The following PCDH15 variants were observed in gnomAD, a reference collection of about 807,000 sequenced individuals.
The protein encoded by PCDH15 is protocadherin related 15, also known as protocadherin-15.
PCDH15 carries 129 observed loss-of-function variants against 178.5 expected under a neutral mutation model. The observed-to-expected ratio is 0.72, with a 90% CI of 0.63 to 0.84. The LOEUF (loss-of-function observed/expected upper bound fraction) is 0.84, where lower values mean the gene tolerates loss of function less well. PCDH15 is among the 40% of genes least tolerant of loss of function. The pLI is 0.00. For synonymous variants in PCDH15, 800 were observed against 732.0 expected, an observed-to-expected ratio of 1.09 and a Z score of -1.50; for missense variants, 2,230 against 2,099.9, an observed-to-expected ratio of 1.06 and a Z score of -1.21.
chr10:54,806,646 G>A (rs550850175), intron 3 of PCDH15, among the ~76,000 whole-genome samples: 1 of 152,092 alleles, frequency 6.6e-6, no homozygotes, highest in African/African-American at 2.4e-5. Context: ...ACTATACCTG[G>A]CTAATTTTTT....
intron 2 of PCDH15, among the ~76,000 whole-genome samples, chr10:54,953,592 C>T (rs190112321): frequency 1.2e-3 from 180 of 151,250 alleles, no homozygotes; most frequent in Non-Finnish European, 1.7e-3. Context: ...GTCTTTTTGA[C>T]GTAGCTTCAT....
chr10:53,968,895 G>A (rs2089350638), intron 21 of PCDH15, among the ~76,000 whole-genome samples: 1 of 152,090 alleles, frequency 6.6e-6, no homozygotes, highest in Non-Finnish European at 1.5e-5. Flanking sequence ...CCACAAAGAT[G>A]GGGAGAAACC....
rs1841605468 is a variant in PCDH15, at chr10:55,243,427, A to G, written c.-156+76172T>C. Among the ~76,000 whole-genome samples the G allele has an allele frequency of 1.3e-5, 2 of 152,232 alleles. 1 individual carries two copies. The highest frequency in any genetic ancestry group is 4.1e-4 in the South Asian group (2 of 4,830). ...CTTAGAAAGAAAATTTATGTGAATA[A>G]CAAGACCAGACTTTCCAAAAACCTC... On this transcript the variant is annotated intron_variant, in intron 1 of 5. Coordinates refer to the PCDH15 transcript ENST00000458638.
At chr10:53,836,879 AG>A (rs1481948394) in intron 29 of PCDH15, among the ~76,000 whole-genome samples, 1 of 152,236 alleles carries the variant, frequency 6.6e-6, no homozygotes, top group Non-Finnish European at 1.5e-5. Context: ...AATAGCAGAA[AG>A]CACAAACATG....
intron 3 of PCDH15, among the ~76,000 whole-genome samples, chr10:54,469,888 A>G (rs2077778681): frequency 6.6e-6 from 1 of 152,124 alleles, no homozygotes; most frequent in African/African-American, 2.4e-5. Flanking sequence ...GTTGGTGCAT[A>G]CATGCGGGTA....
At chr10:54,385,032 G>A (rs1172755536) in intron 3 of PCDH15, among the ~76,000 whole-genome samples, 2 of 152,078 alleles carry the variant, frequency 1.3e-5, no homozygotes, top group African/African-American at 4.8e-5. Context: ...CATTTTTTGA[G>A]TTTCTGGTTG....
In PCDH15 at chr10:54,369,526, C is replaced by A. The variant is rs1342308; in HGVS notation, c.319-251G>T. ...AGTTAGTGGATGGCTAATGAGCGCA[C>A]CCACAAAATTAATGCTTAGAATTGA... On this transcript the variant is annotated intron_variant, in intron 4 of 37. Coordinates refer to ENST00000644397, the MANE Select transcript of PCDH15 (RefSeq NM_001384140.1). 0.96 allele frequency among the ~76,000 whole-genome samples: 145,398 copies of A among 152,018 alleles called. 69,880 individuals carry two copies. The highest frequency in any genetic ancestry group is 1 in the Middle Eastern group (294 of 294).
intron 2 of PCDH15, among the ~76,000 whole-genome samples, chr10:55,453,302 T>A (rs1839475828): frequency 6.6e-6 from 1 of 152,178 alleles, no homozygotes; most frequent in Non-Finnish European, 1.5e-5. Flanking sequence ...CATTTTCTGA[T>A]TTGAAATACA....
At chr10:54,700,474 CA>C (rs1479593661) in intron 1 of PCDH15, among the ~76,000 whole-genome samples, 2 of 151,906 alleles carry the variant, frequency 1.3e-5, no homozygotes, top group Admixed American at 1.3e-4. Context: ...GAATACAATA[CA>C]ACAATACAAG....
chr10:53,981,697 ACCTAAAACCATAAAAAC>A (rs1282763930), intron 21 of PCDH15, among the ~76,000 whole-genome samples: 7 of 149,904 alleles, frequency 4.7e-5, no homozygotes, highest in African/African-American at 1.7e-4. Context: ...TAAACGTTAG[ACCTAAAACCATAAAAAC>A]CCTAGAAGAA....
At chr10:54,453,518 G>C (rs932976614) in intron 3 of PCDH15, among the ~76,000 whole-genome samples, 165 of 152,090 alleles carry the variant, frequency 1.1e-3, no homozygotes, top group African/African-American at 3.7e-3. Context: ...GTTAGGGGAG[G>C]GGGTAGGGAT....
intron 2 of PCDH15, among the ~76,000 whole-genome samples, chr10:55,099,915 A>G (rs1333513063): frequency 1.3e-5 from 2 of 152,116 alleles, no homozygotes; most frequent in African/African-American, 4.8e-5. Context: ...AGAAGAGATA[A>G]TGAATCATTT....
chr10:54,681,937 T>A (rs1324312647), intron 1 of PCDH15, among the ~76,000 whole-genome samples: 1 of 152,150 alleles, frequency 6.6e-6, no homozygotes, highest in Non-Finnish European at 1.5e-5. Context: ...CAGTGGTAAT[T>A]AACCAGAGAG....
chr10:55,058,174 A>T (rs1841350604), intron 2 of PCDH15, among the ~76,000 whole-genome samples: 1 of 152,170 alleles, frequency 6.6e-6, no homozygotes, highest in Non-Finnish European at 1.5e-5. Flanking sequence ...AGCAATAATT[A>T]TCTTTAATTA....
intron 37 of PCDH15, among the ~76,000 whole-genome samples, chr10:53,807,774 G>A (rs1841297054): frequency 6.6e-6 from 1 of 151,986 alleles, no homozygotes; most frequent in African/African-American, 2.4e-5. Flanking sequence ...TATCTTCTCA[G>A]CCTGCATCAT....
chr10:55,412,201 C>T (rs916279181), intron 2 of PCDH15, among the ~76,000 whole-genome samples: 1 of 151,998 alleles, frequency 6.6e-6, no homozygotes. Flanking sequence ...AACTATTAAG[C>T]TGTATCTGGG....
intron 1 of PCDH15, among the ~76,000 whole-genome samples, chr10:55,248,566 T>C (rs1468855561): frequency 6.6e-6 from 1 of 152,146 alleles, no homozygotes; most frequent in Non-Finnish European, 1.5e-5. Flanking sequence ...TATTTAGTAT[T>C]GTAAAAATGT....
At chr10:54,453,543 T>C (rs879833490) in intron 3 of PCDH15, among the ~76,000 whole-genome samples, 7 of 151,680 alleles carry the variant, frequency 4.6e-5, no homozygotes, top group African/African-American at 9.7e-5. Flanking sequence ...TTAGGAGATA[T>C]ACCTAATGTT....
chr10:55,152,283 G>T (rs1408583419), intron 2 of PCDH15, among the ~76,000 whole-genome samples: 1 of 151,984 alleles, frequency 6.6e-6, no homozygotes. Context: ...TACCTCATGT[G>T]GATAAATACA....
Sources: gnomAD v4.1 joint callset for allele counts (sites outside exome capture counted in the v4.1 genomes callset) on GRCh38, gnomAD v4.1.1 for gene constraint, MANE v1.5 for transcripts, NCBI Gene and HGNC (gene_info 2026-07-23, HGNC 2026-07-21) for gene names.